ARIH2: variants seen among roughly 807,000 people sequenced by gnomAD.
ARIH2 encodes the protein E3 ubiquitin-protein ligase ARIH2.
ARIH2 carries 12 observed loss-of-function variants against 79.8 expected under a neutral mutation model. That is an observed-to-expected ratio of 0.15 (90% confidence interval 0.10 to 0.24). The LOEUF is 0.24. Among genes scored for constraint, ARIH2 ranks in the 10% least tolerant of loss-of-function variants. The pLI is 1.00. For synonymous variants in ARIH2, 224 were observed against 213.9 expected, an observed-to-expected ratio of 1.05 and a Z score of -0.41; for missense variants, 301 against 618.3, an observed-to-expected ratio of 0.49 and a Z score of 5.44.
intron 3 of ARIH2, among the ~76,000 whole-genome samples, chr3:48,938,733 G>T (rs1033896778): frequency 2.0e-5 from 3 of 151,998 alleles, no homozygotes; most frequent in African/African-American, 4.8e-5. Context: ...ATGGGTTGGA[G>T]TGGGGTGTTG....
In ARIH2 at chr3:48,945,805, A is replaced by G. The variant is rs7626798; in HGVS notation, c.256-15807A>G. On this transcript the variant is annotated intron_variant, in intron 3 of 15. Coordinates refer to ENST00000356401, the MANE Select transcript of ARIH2 (RefSeq NM_006321.4). ...TTTGTGATCTGAAAAATGATATCAC[A>G]ATCTGCTTACACTGAATAAAGCTGA... Among the ~76,000 whole-genome samples, 69 of 152,314 alleles carry G rather than the reference A, an allele frequency of 4.5e-4. 1 individual carries two copies. The highest frequency in any genetic ancestry group is 1.5e-3 in the East Asian group (8 of 5,188).
intron 3 of ARIH2, among the ~76,000 whole-genome samples, chr3:48,940,930 GAGGCGGAGGC>G (rs2088086840): frequency 6.6e-6 from 1 of 151,568 alleles, no homozygotes; most frequent in Non-Finnish European, 1.5e-5. Context: ...AGCACTTTGG[GAGGCGGAGGC>G]AGGCGGATCA....
intron 3 of ARIH2, among the ~76,000 whole-genome samples, chr3:48,928,451 C>T (rs1338361351): frequency 1.3e-5 from 2 of 152,132 alleles, no homozygotes; most frequent in East Asian, 1.9e-4. Context: ...AGTTATTATC[C>T]TATTTACATT....
chr3:48,961,544 C>T, intron 3 of ARIH2, 68 bp from the exon 4 acceptor site: 1 of 1,000,840 alleles, frequency 1.0e-6, no homozygotes, highest in Non-Finnish European at 1.5e-6. Flanking sequence ...GTATACAGTT[C>T]TCAAAATGCG....
intron 1 of ARIH2, among the ~76,000 whole-genome samples, chr3:48,919,729 A>C (rs1411407561): frequency 6.6e-6 from 1 of 152,078 alleles, no homozygotes; most frequent in Non-Finnish European, 1.5e-5. Context: ...GCTAGTGGTC[A>C]CCGTATTAGA....
At chr3:48,958,333 C>T (rs887144947) in intron 3 of ARIH2, among the ~76,000 whole-genome samples, 1 of 152,036 alleles carries the variant, frequency 6.6e-6, no homozygotes, top group African/African-American at 2.4e-5. Context: ...AAAAACAGAA[C>T]AAAAAACTGT....
chr3:48,973,071 A>G (rs2092324307), intron 8 of ARIH2, among the ~76,000 whole-genome samples: 1 of 152,242 alleles, frequency 6.6e-6, no homozygotes, highest in African/African-American at 2.4e-5. Context: ...CTTAAGTTGA[A>G]GAGACATTCA....
At chr3:48,971,107 A>G (rs2092204764) in intron 8 of ARIH2, among the ~76,000 whole-genome samples, 1 of 152,232 alleles carries the variant, frequency 6.6e-6, no homozygotes, top group African/African-American at 2.4e-5. Flanking sequence ...AATATATTCT[A>G]CATCTACTCA....
intron 3 of ARIH2, among the ~76,000 whole-genome samples, chr3:48,955,477 C>A (rs2090472737): frequency 6.6e-6 from 1 of 152,088 alleles, no homozygotes; most frequent in Non-Finnish European, 1.5e-5. Context: ...ATTACAACAG[C>A]CCAGCAAGAG....
At chr3:48,967,623 G>C (rs2091889592) in intron 6 of ARIH2, among the ~76,000 whole-genome samples, 1 of 152,146 alleles carries the variant, frequency 6.6e-6, no homozygotes, top group South Asian at 2.1e-4. Flanking sequence ...AGGTAACATA[G>C]CACAAATCAA....
chr3:48,919,246 A>C (rs941123352), intron 1 of ARIH2: 2 of 1,230,526 alleles, frequency 1.6e-6, no homozygotes, highest in South Asian at 4.2e-5. Context: ...ACCGCCTCTG[A>C]CCAACCGGCG....
Position 48,980,439 on chromosome 3 carries a change from T to C in ARIH2, c.1200T>C (p.Asn400=). Residue 400 remains asparagine, a synonymous_variant, in exon 13 of 16, where the codon AAT becomes AAC. Coordinates refer to ENST00000356401, the MANE Select transcript of ARIH2 (RefSeq NM_006321.4). The part of the protein sequence containing the change: ...HEKIQERVMN[N]LGTWIDWQYL... ...AGATTCAGGAGAGGGTCATGAACAA[T>C]CTGGGGACATGGATCGACTGGCAGT... 1.2e-6 allele frequency: 2 copies of C among 1,614,088 alleles called. No homozygotes were observed. Among genetic ancestry groups the C allele is most frequent in the Non-Finnish European group, 1.7e-6 (2 of 1,180,016 alleles).
intron 2 of ARIH2, among the ~76,000 whole-genome samples, chr3:48,923,584 C>T (rs2106836154): frequency 6.7e-6 from 1 of 149,548 alleles, no homozygotes; most frequent in Admixed American, 6.7e-5. Flanking sequence ...TGTAATGATG[C>T]AATCTTGTCT....
rs80245267 is a variant in ARIH2, at chr3:48,945,341, C to T, written c.256-16271C>T. 9.9e-3 allele frequency among the ~76,000 whole-genome samples: 1,506 copies of T among 152,274 alleles called. 9 individuals are homozygous for T. Among genetic ancestry groups the T allele is most frequent in the Middle Eastern group, 0.034 (10 of 294 alleles). On this transcript the variant is annotated intron_variant, in intron 3 of 15. Transcript: ENST00000356401. ...AAAAAGATAAAGAAGCCACTGATCA[C>T]GTTCATGGATATCCTTGGGGAACTG... is the stretch of plus-strand genomic sequence containing the variant.
chr3:48,979,540 C>T lies in ARIH2; in HGVS notation c.1020C>T (p.Cys340=), dbSNP rs1208823157. The T allele has an allele frequency of 1.2e-6, 2 of 1,614,098 alleles. No homozygotes were observed. The highest frequency in any genetic ancestry group is 1.3e-5 in the African/African-American group (1 of 74,936). The change falls in exon 12 of 16, where the codon TGC becomes TGT. Residue 340 remains cysteine, a synonymous_variant. Transcript: ENST00000356401. ...WKTHGSEYYE[C]SRYKENPDIV... ...CTCATGGCAGTGAATACTATGAGTG[C>T]AGTCGTTACAAGGAGAATCCTGACA...
At chr3:48,960,130 A>G (rs2091093867) in intron 3 of ARIH2, among the ~76,000 whole-genome samples, 2 of 152,114 alleles carry the variant, frequency 1.3e-5, no homozygotes, top group African/African-American at 4.8e-5. Flanking sequence ...CATGGTGTGT[A>G]TTGCTCTCTC....
intron 3 of ARIH2, among the ~76,000 whole-genome samples, chr3:48,944,577 A>T (rs2088842707): frequency 6.6e-6 from 1 of 152,164 alleles, no homozygotes; most frequent in Admixed American, 6.6e-5. Flanking sequence ...CAAAGTTATG[A>T]TCAGGTGCCA....
chr3:48,965,527 CTT>C (rs1191537534), intron 5 of ARIH2, among the ~76,000 whole-genome samples: 9 of 152,212 alleles, frequency 5.9e-5, no homozygotes, highest in Non-Finnish European at 1.3e-4. Context: ...CCTCTCTGCA[CTT>C]TCAGCCTGCA....
At position 48,984,432 on chromosome 3, in the gene ARIH2, C is replaced by A. The variant is rs1375191631; in HGVS notation, c.*1162C>A. 1 of 152,562 alleles carries A rather than the reference C, an allele frequency of 6.6e-6. No individual in the cohort carries two copies. The highest frequency in any genetic ancestry group is 2.4e-5 in the African/African-American group (1 of 41,406). The allele number at this position is 152,562 out of a possible 1,614,324, so 9.5% of individuals were successfully genotyped here. On this transcript the variant is annotated 3_prime_UTR_variant, in exon 16 of 16. Transcript: ENST00000356401. ...CTGGTTCCAGCTGTCAGAGGGATAC[C>A]ATCCTAGGGTCTGGGAATCCAAGGC...
Sources: gnomAD v4.1 joint callset for allele counts (sites outside exome capture counted in the v4.1 genomes callset) on GRCh38, gnomAD v4.1.1 for gene constraint, MANE v1.5 for transcripts, NCBI Gene and HGNC (gene_info 2026-07-23, HGNC 2026-07-21) for gene names.